The following NOTCH2 variants were observed in gnomAD, a reference collection of about 807,000 sequenced individuals.
NOTCH2 encodes the protein neurogenic locus notch homolog protein 2.
A neutral mutation model predicts 235.8 loss-of-function variants in NOTCH2; 29 were observed. That is an observed-to-expected ratio of 0.12 (90% confidence interval 0.09 to 0.17). The LOEUF (loss-of-function observed/expected upper bound fraction) is 0.17, where lower values mean the gene tolerates loss of function less well. Ranked by LOEUF, NOTCH2 falls within the 10% of genes least tolerant of loss-of-function variation. The pLI is 1.00. For synonymous variants in NOTCH2, 1,086 were observed against 1,141.5 expected (o/e 0.95, Z 0.98); for missense variants, 2,285 against 3,150.2 (o/e 0.73, Z 6.57).
intron 5 of NOTCH2, chr1:119,976,280 CAA>C (rs1231268116): frequency 6.6e-6 from 1 of 152,040 alleles, no homozygotes; most frequent in African/African-American, 2.4e-5. Context: ...TTCTATCCTA[CAA>C]AACCTCAGCT....
At chr1:119,965,422 C>T (rs1553199535) in intron 10 of NOTCH2, 31 bp downstream of exon 10, 1 of 1,533,142 alleles carries the variant, frequency 6.5e-7, no homozygotes, top group Admixed American at 1.7e-5. Flanking sequence ...GATGGACCTA[C>T]CAAGGAGATG....
rs1448506587 is a variant in NOTCH2 at position 119,912,686 on chromosome 1, C to T, written c.*2620G>A. ...CAAAAATAGCAGGGGAGGATCTATA[C>T]ATGGCATAAAAGATGTGTCTCATAA... is the stretch of plus-strand genomic sequence containing the variant. On this transcript the variant is annotated 3_prime_UTR_variant, in exon 34 of 34. Coordinates refer to ENST00000256646, the MANE Select transcript of NOTCH2 (RefSeq NM_024408.4). 8.6e-6 allele frequency: 2 copies of T among 233,138 alleles called. No individual in the cohort carries two copies. The highest frequency in any genetic ancestry group is 1.7e-5 in the Non-Finnish European group (2 of 118,014). 14.4% of individuals were successfully genotyped at this position (233,138 alleles called of 1,614,324 possible). A position where few individuals can be genotyped will look rare whatever the true frequency, so the allele number is the denominator to read the frequency against.
rs749100262 is a variant in NOTCH2, at chr1:119,915,267, CAA to C, written c.*37_*38del. 5 of 1,604,764 alleles carry C rather than the reference CAA, an allele frequency of 3.1e-6. No homozygotes were observed. The highest frequency in any genetic ancestry group is 3.4e-6 in the Non-Finnish European group (4 of 1,174,492). On this transcript the variant is annotated 3_prime_UTR_variant, in exon 34 of 34. Coordinates refer to ENST00000256646, the MANE Select transcript of NOTCH2 (RefSeq NM_024408.4). ...TTCATTTGTTCCTCAGCAGCATTTA[CAA>C]AAGTCAGTTATGTCTCTACACTGGA... is the stretch of plus-strand genomic sequence containing the variant.
At chr1:119,948,919 G>C in intron 16 of NOTCH2, 88 bp downstream of exon 16, 1 of 1,524,824 alleles carries the variant, frequency 6.6e-7, no homozygotes. Context: ...CATAAGACCA[G>C]CAGGGCCTTC....
chr1:119,949,283 T>C (rs1553197438), intron 15 of NOTCH2, among the ~76,000 whole-genome samples, 157 bp from the exon 16 acceptor site: 3 of 152,150 alleles, frequency 2.0e-5, no homozygotes, highest in African/African-American at 7.2e-5. Context: ...GGCTCTGATA[T>C]TGTTAACTGT....
intron 1 of NOTCH2, among the ~76,000 whole-genome samples, chr1:120,066,278 T>TA (rs1288204315): frequency 1.6e-3 from 244 of 148,582 alleles, no homozygotes; most frequent in African/African-American, 4.9e-3. Context: ...CACCTGAAGG[T>TA]AAAAAAAAAT....
chr1:120,008,850 C>T (rs1489521022), intron 2 of NOTCH2, among the ~76,000 whole-genome samples: 11 of 152,162 alleles, frequency 7.2e-5, no homozygotes, highest in African/African-American at 2.4e-4. Flanking sequence ...TTGGAGTTTA[C>T]ATTCTAATAG....
Position 119,913,333 on chromosome 1 carries a change from C to T in NOTCH2, c.*1973G>A, listed in dbSNP as rs983251747. The T allele has an allele frequency of 7.7e-5, 18 of 233,066 alleles. No individual in the cohort carries two copies. The highest frequency in any genetic ancestry group is 1.1e-4 in the Admixed American group (2 of 17,772). The allele number at this position is 233,066 out of a possible 1,614,324, so 14.4% of individuals were successfully genotyped here. A position where few individuals can be genotyped will look rare whatever the true frequency, so the allele number is the denominator to read the frequency against. On this transcript the variant is annotated 3_prime_UTR_variant, in exon 34 of 34. Coordinates refer to ENST00000256646, the MANE Select transcript of NOTCH2 (RefSeq NM_024408.4). ...TTGTAAACTATTATGCCAACAGACA[C>T]GCAGGGTTTCCATATGGGGCCACCG...
chr1:120,025,332 T>C (rs587721344), intron 2 of NOTCH2, among the ~76,000 whole-genome samples: 299 of 151,912 alleles, frequency 2.0e-3, no homozygotes, highest in Middle Eastern at 0.017. Flanking sequence ...AAGTTCTGCC[T>C]TAGAGGGGCT....
At position 119,926,487 on chromosome 1, in the gene NOTCH2, C is replaced by T; in HGVS notation, c.4005+12G>A. On this transcript the variant is annotated intron_variant, in intron 24 of 33. Transcript: ENST00000256646. The stretch of plus-strand genomic sequence containing the variant: ...ACAATGCCCCTTCTTAGATGAGCAA[C>T]AGGGCACTTACCGGGGGACAACGGC... 6.4e-7 allele frequency: 1 copy of T among 1,573,642 alleles called. No individual in the cohort carries two copies. Among genetic ancestry groups the T allele is most frequent in the Non-Finnish European group, 8.7e-7 (1 of 1,149,672 alleles).
chr1:120,040,719 C>T (rs1182322610), intron 1 of NOTCH2, among the ~76,000 whole-genome samples: 1 of 144,410 alleles, frequency 6.9e-6, no homozygotes, highest in Non-Finnish European at 1.5e-5. Context: ...TTATTAAATA[C>T]CAAAGGGAGA....
In NOTCH2 at chr1:120,032,315, CTGAAGAAACCTGGAGTACATAA is replaced by C. The variant is rs1654125182; in HGVS notation, c.74-2350_74-2329del. On this transcript the variant is annotated intron_variant, in intron 1 of 33. Transcript: ENST00000256646. The stretch of plus-strand genomic sequence containing the variant: ...AGTACATGAATGGCATGCCCAGTGC[CTGAAGAAACCTGGAGTACATAA>C]TGACCCAGCCACCCATGACTCAGAA... Among the ~76,000 whole-genome samples, 3 of 135,130 alleles carry C rather than the reference CTGAAGAAACCTGGAGTACATAA, an allele frequency of 2.2e-5. 1 individual carries two copies. The highest frequency in any genetic ancestry group is 9.5e-5 in the African/African-American group (3 of 31,688). 88.7% of individuals were successfully genotyped at this position (135,130 alleles called of 152,430 possible).
At chr1:119,957,885 A>G (rs970630585) in intron 12 of NOTCH2, among the ~76,000 whole-genome samples, 2 of 76,962 alleles carry the variant, frequency 2.6e-5, no homozygotes, top group African/African-American at 7.4e-5. Flanking sequence ...CACACACACA[A>G]CAGGCCCCTA....
At chr1:120,063,595 TA>T (rs1553216604) in intron 1 of NOTCH2, among the ~76,000 whole-genome samples, 1 of 152,200 alleles carries the variant, frequency 6.6e-6, no homozygotes, top group African/African-American at 2.4e-5. Context: ...TTCTTCTCTG[TA>T]CTAAGTGAGG....
At chr1:119,924,812 T>C (rs1187104367) in intron 25 of NOTCH2, among the ~76,000 whole-genome samples, 1 of 152,206 alleles carries the variant, frequency 6.6e-6, no homozygotes, top group Non-Finnish European at 1.5e-5. Context: ...TTAAATTATA[T>C]GGAATGGCTA....
At chr1:120,014,389 T>C (rs1216395801) in intron 2 of NOTCH2, among the ~76,000 whole-genome samples, 2 of 152,182 alleles carry the variant, frequency 1.3e-5, no homozygotes, top group Non-Finnish European at 2.9e-5. Context: ...ACGGGCAACA[T>C]GGTGAGAACC....
chr1:120,053,889 T>C (rs1230728450), intron 1 of NOTCH2, among the ~76,000 whole-genome samples: 2 of 104,146 alleles, frequency 1.9e-5, no homozygotes, highest in African/African-American at 8.8e-5. Flanking sequence ...ATCCTGCAAG[T>C]TAGATATTAC....
chr1:119,952,870 A>G (rs1650534386), intron 14 of NOTCH2, among the ~76,000 whole-genome samples: 1 of 152,218 alleles, frequency 6.6e-6, no homozygotes, highest in Non-Finnish European at 1.5e-5. Flanking sequence ...TGATATTACT[A>G]CTATCTTAAT....
chr1:119,951,443 C>T (rs1305118422), intron 14 of NOTCH2, among the ~76,000 whole-genome samples: 2 of 152,204 alleles, frequency 1.3e-5, no homozygotes, highest in Non-Finnish European at 2.9e-5. Context: ...TGAGCCATCG[C>T]ACCCAGCCAA....
Sources: allele counts gnomAD v4.1 joint callset (sites outside exome capture counted in the v4.1 genomes callset), GRCh38; gene constraint gnomAD v4.1.1; transcripts MANE v1.5; gene names NCBI Gene and HGNC (gene_info 2026-07-23, HGNC 2026-07-21).